ZNF449: variants seen among roughly 807,000 people sequenced by gnomAD.
The protein encoded by ZNF449 is zinc finger protein 449.
In ZNF449, 4 loss-of-function variants were observed where a neutral mutation model predicts 32.6. The ratio of observed to expected loss-of-function variants is 0.12; its 90% CI spans 0.06 to 0.28. ZNF449 has a LOEUF of 0.28. Ranked by LOEUF, ZNF449 falls within the 10% of genes least tolerant of loss-of-function variation. ZNF449 has a pLI of 1.00. For synonymous variants in ZNF449, 123 were observed against 132.2 expected (o/e 0.93, Z 0.48); for missense variants, 275 against 383.2 (o/e 0.72, Z 2.36).
chrX:135,345,103 C>T (rs139177458), intron 1 of ZNF449, among the ~76,000 whole-genome samples: 1,192 of 113,205 alleles, frequency 0.011, 30 homozygotes, highest in African/African-American at 0.037. Flanking sequence ...CAAGAGCGAA[C>T]AGGGGCCGCG....
Position 135,360,688 on chromosome X carries a change from G to A in ZNF449, c.1169G>A (p.Arg390Gln). 8.3e-7 allele frequency: 1 copy of A among 1,210,948 alleles called. No homozygotes were observed. Residue 390 changes from arginine to glutamine, a missense_variant, in exon 5 of 5, where the codon CGG becomes CAG. Physicochemically the swap from Arg to Gln is conservative, Grantham distance 43. Transcript: ENST00000339249. ...ECTVCKKRFT[R>Q]RSHLIGHQRT... ...ACTGTATGTAAAAAGCGATTCACTC[G>A]GCGGTCACATCTTATAGGGCACCAG...
rs781985440 is a variant in ZNF449, at chrX:135,360,343, C to A, written c.824C>A (p.Thr275Asn). The change falls in exon 5 of 5, where the codon ACC becomes AAC. Residue 275 changes from threonine to asparagine, a missense_variant. Coordinates refer to ENST00000339249, the MANE Select transcript of ZNF449 (RefSeq NM_152695.6). ...DYVQLENQWETPPEDLQTDLA... is the reference protein window; with the variant it reads ...DYVQLENQWENPPEDLQTDLA... ...GTACAGTTAGAAAATCAATGGGAAA[C>A]CCCCCCAGAGGATTTACAGACAGAT... The A allele has an allele frequency of 8.3e-7, 1 of 1,210,451 alleles. No individual in the cohort carries two copies. The highest frequency in any genetic ancestry group is 2.2e-5 in the Admixed American group (1 of 45,919).
chrX:135,348,812 A>G (rs949224994), intron 2 of ZNF449: 11 of 1,046,195 alleles, frequency 1.1e-5, no homozygotes, highest in Non-Finnish European at 1.4e-5. Context: ...CCCTTGAAAT[A>G]TGGCCAATAC....
chrX:135,350,153 T>C (rs1308628373), intron 3 of ZNF449, among the ~76,000 whole-genome samples: 1 of 111,302 alleles, frequency 9.0e-6, no homozygotes, highest in Non-Finnish European at 1.9e-5. Context: ...ATCACAGGCA[T>C]GCACTACCAC....
intron 3 of ZNF449, among the ~76,000 whole-genome samples, chrX:135,356,973 A>T (rs2084921360): frequency 9.0e-6 from 1 of 110,910 alleles, no homozygotes; most frequent in Admixed American, 9.6e-5. Flanking sequence ...TCTGCCTGTA[A>T]GTGTATTTGT....
chrX:135,360,322 A>G lies in ZNF449; in HGVS notation c.803A>G (p.Gln268Arg), dbSNP rs185680726. 22 of 1,209,379 alleles carry G rather than the reference A, an allele frequency of 1.8e-5. No homozygotes were observed. The East Asian group carries it at 6.2e-4, about 34-fold the overall frequency. ...QGPILQKDYV[Q>R]LENQWETPPE... ...CCCATTTTGCAAAAAGACTATGTACAGTTAGAAAATCAATGGGAAACCCCC... is the reference window on the plus strand; with the variant it reads ...CCCATTTTGCAAAAAGACTATGTACGGTTAGAAAATCAATGGGAAACCCCC... Residue 268 changes from glutamine (Q) to arginine (R), a missense_variant, in exon 5 of 5, where the codon CAG becomes CGG. Gln to Arg is a conservative substitution (Grantham distance 43, BLOSUM62 1). Coordinates refer to ENST00000339249, the MANE Select transcript of ZNF449 (RefSeq NM_152695.6).
chrX:135,350,093 A>C (rs2084876860), intron 3 of ZNF449, among the ~76,000 whole-genome samples: 1 of 101,376 alleles, frequency 9.9e-6, no homozygotes, highest in African/African-American at 3.7e-5. Context: ...TGTAACCTCC[A>C]CCTCCCAGGT....
chrX:135,359,852 T>A (rs1556452879), intron 3 of ZNF449, 40 bp from the exon 4 acceptor site: 1 of 999,061 alleles, frequency 1.0e-6, no homozygotes, highest in Non-Finnish European at 1.4e-6. Flanking sequence ...AAACCTTTGA[T>A]GAGCCAAACT....
chrX:135,357,352 C>T (rs1337615295), intron 3 of ZNF449, among the ~76,000 whole-genome samples: 4 of 110,864 alleles, frequency 3.6e-5, no homozygotes, highest in Non-Finnish European at 7.6e-5. Flanking sequence ...AATTTTTTCC[C>T]GTGGAGACAT....
intron 3 of ZNF449, among the ~76,000 whole-genome samples, chrX:135,354,216 T>A (rs1410328426): frequency 8.9e-6 from 1 of 112,680 alleles, no homozygotes; most frequent in Non-Finnish European, 1.9e-5. Context: ...GAATGCCAAA[T>A]TCTGCTCATC....
chrX:135,360,340 A>G lies in ZNF449; in HGVS notation c.821A>G (p.Glu274Gly). Residue 274 changes from glutamate (E) to glycine (G), a missense_variant, in exon 5 of 5, where the codon GAA (glutamate) becomes GGA (glycine). Transcript: ENST00000339249. ...TATGTACAGTTAGAAAATCAATGGGAAACCCCCCCAGAGGATTTACAGACA... is the reference window on the plus strand; with the variant it reads ...TATGTACAGTTAGAAAATCAATGGGGAACCCCCCCAGAGGATTTACAGACA... Reference protein sequence around the residue: ...KDYVQLENQWETPPEDLQTDL... With the variant: ...KDYVQLENQWGTPPEDLQTDL... The G allele has an allele frequency of 1.7e-6, 2 of 1,211,271 alleles. No homozygotes were observed. Among genetic ancestry groups the G allele is most frequent in the South Asian group, 3.5e-5 (2 of 56,846 alleles).
chrX:135,350,264 C>T (rs941504738), intron 3 of ZNF449, among the ~76,000 whole-genome samples: 4 of 111,224 alleles, frequency 3.6e-5, no homozygotes, highest in East Asian at 2.8e-4. Context: ...GGATTACAGG[C>T]GTGAGCCATT....
At position 135,359,848 on chromosome X, in the gene ZNF449, T is replaced by C. The variant is rs782725569; in HGVS notation, c.560-44T>C. 18 of 976,780 alleles carry C rather than the reference T, an allele frequency of 1.8e-5. No individual in the cohort carries two copies. In the Admixed American group the frequency reaches 4.5e-4, roughly 25 times the overall value. 80.5% of individuals were successfully genotyped at this position (976,780 alleles called of 1,213,427 possible). On this transcript the variant is annotated intron_variant, in intron 3 of 4. Transcript: ENST00000339249. ...ATCAGCCTAAATTTTGGAAAAACCT[T>C]TGATGAGCCAAACTGTAATGCTTCC...
rs782501019 is a variant in ZNF449, at chrX:135,360,702, A to G, written c.1183A>G (p.Ile395Val). The G allele has an allele frequency of 7.4e-6, 9 of 1,209,493 alleles. No homozygotes were observed. Residue 395 changes from isoleucine (I) to valine (V), a missense_variant, in exon 5 of 5, where the codon ATA (isoleucine) becomes GTA (valine). This residue lies in a region of ZNF449 where 80 missense variants were observed against 146.6 expected (regional missense o/e 0.55). Coordinates refer to ENST00000339249, the MANE Select transcript of ZNF449 (RefSeq NM_152695.6). The part of the protein sequence containing the change: ...KKRFTRRSHL[I>V]GHQRTHSEEE... ...GCGATTCACTCGGCGGTCACATCTT[A>G]TAGGGCACCAGAGAACCCATTCTGA... is the stretch of plus-strand genomic sequence containing the variant.
Position 135,344,949 on chromosome X carries a change from GGGC to G in ZNF449, c.-101+120_-101+122del, listed in dbSNP as rs1334092350. On this transcript the variant is annotated intron_variant, in intron 1 of 4. Coordinates refer to ENST00000339249, the MANE Select transcript of ZNF449 (RefSeq NM_152695.6). ...AACTGGGTGATTCCAGCTGTGCCCC[GGGC>G]GGCGGGCGCCGGAAGGAGTGGTGGG... The G allele has an allele frequency of 5.3e-5, 6 of 112,782 alleles. No individual in the cohort carries two copies. In the East Asian group the frequency reaches 1.7e-3, roughly 32 times the overall value. 9.3% of individuals were successfully genotyped at this position (112,782 alleles called of 1,213,427 possible). A position where few individuals can be genotyped will look rare whatever the true frequency, so the allele number is the denominator to read the frequency against.
chrX:135,360,714 A>G lies in ZNF449; in HGVS notation c.1195A>G (p.Arg399Gly). The change falls in exon 5 of 5, where the codon AGA (arginine) becomes GGA (glycine). Residue 399 changes from arginine (R) to glycine (G), a missense_variant. By Grantham distance (125) the Arg-to-Gly change is moderately radical (BLOSUM62 -2). Coordinates refer to ENST00000339249, the MANE Select transcript of ZNF449 (RefSeq NM_152695.6). ...TRRSHLIGHQ[R>G]THSEEETYKC... The stretch of plus-strand genomic sequence containing the variant: ...GCGGTCACATCTTATAGGGCACCAG[A>G]GAACCCATTCTGAAGAAGAAACATA... The G allele has an allele frequency of 1.7e-6, 2 of 1,211,397 alleles. No homozygotes were observed. Among genetic ancestry groups the G allele is most frequent in the Non-Finnish European group, 2.2e-6 (2 of 895,368 alleles).
intron 2 of ZNF449, chrX:135,348,642 A>G: frequency 1.4e-6 from 1 of 700,848 alleles, no homozygotes; most frequent in Non-Finnish European, 1.9e-6. Context: ...CCTGAACAGG[A>G]GTCTTCTGAA....
At position 135,349,412 on chromosome X, in the gene ZNF449, G is replaced by A. The variant is rs1556449674; in HGVS notation, c.559+98G>A. ...GGTTAGAAACACCAATTACTCAATG[G>A]AAATTGACCACTCAGATAAAGAAGA... On this transcript the variant is annotated intron_variant, in intron 3 of 4. Transcript: ENST00000339249. 1.0e-5 allele frequency: 8 copies of A among 797,681 alleles called. 1 individual carries two copies. The South Asian group carries it at 1.8e-4, about 18-fold the overall frequency. 65.7% of individuals were successfully genotyped at this position (797,681 alleles called of 1,213,427 possible).
intron 3 of ZNF449, among the ~76,000 whole-genome samples, chrX:135,352,526 A>G (rs2084893622): frequency 8.9e-6 from 1 of 112,149 alleles, no homozygotes; most frequent in Admixed American, 9.4e-5. Context: ...TCGTACACCA[A>G]AACTGGATTG....
Sources: allele counts gnomAD v4.1 joint callset (sites outside exome capture counted in the v4.1 genomes callset), GRCh38; gene constraint gnomAD v4.1.1; regional missense constraint gnomAD v4.1.1; transcripts MANE v1.5; gene names NCBI Gene and HGNC (gene_info 2026-07-23, HGNC 2026-07-21).